The following CD2AP variants were observed in gnomAD, a reference collection of about 807,000 sequenced individuals.
CD2AP encodes CD2 associated protein, also known as CD2-associated protein.
In CD2AP, 46 loss-of-function variants were observed where a neutral mutation model predicts 85.1. That is an observed-to-expected ratio of 0.54 (90% CI 0.43 to 0.69). The LOEUF (loss-of-function observed/expected upper bound fraction) is 0.69. Among genes scored for constraint, CD2AP ranks in the 30% least tolerant of loss-of-function variants. The pLI is 0.00. For missense variants in CD2AP, 769 were observed against 729.5 expected (o/e 1.05, Z -0.62); for synonymous variants, 255 against 252.9 (o/e 1.01, Z -0.08).
At chr6:47,544,557 T>A in intron 3 of CD2AP, 49 bp from the exon 4 acceptor site, 1 of 1,227,472 alleles carries the variant, frequency 8.1e-7, no homozygotes. Flanking sequence ...ATACTGTTTT[T>A]AAAAATGATC....
intron 5 of CD2AP, among the ~76,000 whole-genome samples, chr6:47,567,958 T>C (rs1215743228): frequency 1.3e-5 from 2 of 152,032 alleles, no homozygotes. Flanking sequence ...CTGACGCCAG[T>C]TGAGAATGTT....
intron 3 of CD2AP, among the ~76,000 whole-genome samples, chr6:47,534,882 C>G (rs1483551007): frequency 1.3e-5 from 2 of 149,846 alleles, no homozygotes; most frequent in African/African-American, 4.9e-5. Flanking sequence ...GCGGCCTTGA[C>G]CTCCCAGGCT....
chr6:47,490,265 T>TG (rs1437614861), intron 1 of CD2AP, among the ~76,000 whole-genome samples: 1 of 152,246 alleles, frequency 6.6e-6, no homozygotes, highest in Non-Finnish European at 1.5e-5. Flanking sequence ...TTTACAGGCA[T>TG]GAGCCACTAT....
intron 11 of CD2AP, among the ~76,000 whole-genome samples, chr6:47,590,494 G>C (rs1165722593): frequency 1.3e-5 from 2 of 152,102 alleles, no homozygotes; most frequent in African/African-American, 2.4e-5. Flanking sequence ...ACATGAGTTT[G>C]AACTATATGG....
chr6:47,545,035 A>G, intron 4 of CD2AP: 1 of 211,814 alleles, frequency 4.7e-6, no homozygotes, highest in Non-Finnish European at 9.5e-6. Flanking sequence ...ATACAAAGCA[A>G]AATCTTTTTA....
At position 47,560,981 on chromosome 6, in the gene CD2AP, G is replaced by A. The variant is rs141061432; in HGVS notation, c.541+6215G>A. Among the ~76,000 whole-genome samples, 512 of 152,100 alleles carry A rather than the reference G, an allele frequency of 3.4e-3. 3 individuals are homozygous for A. The highest frequency in any genetic ancestry group is 0.015 in the South Asian group (74 of 4,818). ...AAAGACAAACTTTTGTCTTTCTCCGGTTTATGTATTTATCAGTGTGGGCTC... is the reference window on the plus strand; with the variant it reads ...AAAGACAAACTTTTGTCTTTCTCCGATTTATGTATTTATCAGTGTGGGCTC... On this transcript the variant is annotated intron_variant, in intron 5 of 17. Transcript: ENST00000359314.
chr6:47,533,076 A>G (rs1413532118), intron 2 of CD2AP, among the ~76,000 whole-genome samples: 2 of 152,218 alleles, frequency 1.3e-5, no homozygotes, highest in African/African-American at 4.8e-5. Flanking sequence ...GGTTGGAAAA[A>G]ATCAAAAGGA....
rs775171218 is a variant in CD2AP, at chr6:47,533,711, C to G, written c.275C>G (p.Ala92Gly). The G allele has an allele frequency of 6.2e-7, 1 of 1,614,096 alleles. No homozygotes were observed. The highest frequency in any genetic ancestry group is 2.2e-5 in the East Asian group (1 of 44,852). The change falls in exon 3 of 18, where the codon GCT (alanine) becomes GGT (glycine). Residue 92 changes from alanine (A) to glycine (G), a missense_variant. Transcript: ENST00000359314. Reference sequence around the variant, plus strand: ...CGAATAAGCACCTATGGACTTCCAGCTGGAGGAATTCAGCCACATCCACAA... The same window carrying G: ...CGAATAAGCACCTATGGACTTCCAGGTGGAGGAATTCAGCCACATCCACAA... Reference protein sequence around the residue: ...VQRISTYGLPAGGIQPHPQTK... With the variant: ...VQRISTYGLPGGGIQPHPQTK...
chr6:47,492,674 A>G (rs9357540), intron 1 of CD2AP, among the ~76,000 whole-genome samples: 93,094 of 151,956 alleles, frequency 0.61, 29,251 homozygotes, highest in Middle Eastern at 0.75. Flanking sequence ...TTGTTTTAAT[A>G]AATGTAAGGT....
In CD2AP at chr6:47,579,509, T is replaced by G; in HGVS notation, c.1008+20T>G. The G allele has an allele frequency of 1.4e-6, 2 of 1,393,600 alleles. No individual in the cohort carries two copies. Among genetic ancestry groups the G allele is most frequent in the Non-Finnish European group, 2.0e-6 (2 of 978,748 alleles). 86.3% of individuals were successfully genotyped at this position (1,393,600 alleles called of 1,614,324 possible). ...TTTCCAGTAAGCTTTTGTTTTTCAA[T>G]GATGATAATACTTGAAAGAACATTT... On this transcript the variant is annotated intron_variant, in intron 9 of 17. Transcript: ENST00000359314.
intron 5 of CD2AP, chr6:47,562,526 G>C (rs1767888910): frequency 3.7e-6 from 1 of 273,456 alleles, no homozygotes; most frequent in Non-Finnish European, 7.0e-6. Flanking sequence ...ACATAAATTA[G>C]TTTGATGGCT....
intron 5 of CD2AP, among the ~76,000 whole-genome samples, chr6:47,567,250 G>A (rs1768029329): frequency 6.6e-6 from 1 of 152,098 alleles, no homozygotes; most frequent in South Asian, 2.1e-4. Flanking sequence ...TGAGGGTTGT[G>A]AGTAGTAATA....
At chr6:47,616,706 A>G (rs1362280861) in intron 17 of CD2AP, among the ~76,000 whole-genome samples, 1 of 152,144 alleles carries the variant, frequency 6.6e-6, no homozygotes, top group South Asian at 2.1e-4. Context: ...CTTGAGGTTC[A>G]TTTGTGAAAT....
chr6:47,565,750 A>T (rs1582566257), intron 5 of CD2AP, among the ~76,000 whole-genome samples: 1 of 151,988 alleles, frequency 6.6e-6, no homozygotes, highest in African/African-American at 2.4e-5. Context: ...TTTTCTTTTT[A>T]CCACCTTCAC....
chr6:47,572,040 A>C (rs1424008900), intron 5 of CD2AP, among the ~76,000 whole-genome samples: 2 of 152,186 alleles, frequency 1.3e-5, no homozygotes, highest in East Asian at 1.9e-4. Flanking sequence ...GTTAAGAAGC[A>C]TTCCTGATTT....
chr6:47,605,254 G>T (rs1232180759), intron 13 of CD2AP, among the ~76,000 whole-genome samples: 1 of 151,988 alleles, frequency 6.6e-6, no homozygotes, highest in African/African-American at 2.4e-5. Context: ...GTAAAGGAAG[G>T]TTATATTAAA....
intron 1 of CD2AP, among the ~76,000 whole-genome samples, chr6:47,481,386 C>A (rs927395919): frequency 1.3e-5 from 2 of 151,990 alleles, no homozygotes; most frequent in African/African-American, 2.4e-5. Flanking sequence ...TGCTCTGTTG[C>A]CCAAGCTGGA....
chr6:47,608,855 A>C (rs955023727), intron 15 of CD2AP, among the ~76,000 whole-genome samples: 51 of 152,306 alleles, frequency 3.3e-4, no homozygotes, highest in Middle Eastern at 3.4e-3. Flanking sequence ...TAGGCAAACC[A>C]TCCATAATAT....
chr6:47,611,793 A>C (rs1769448304), intron 16 of CD2AP, among the ~76,000 whole-genome samples: 1 of 152,026 alleles, frequency 6.6e-6, no homozygotes, highest in Non-Finnish European at 1.5e-5. Flanking sequence ...TGAATCAGCC[A>C]AACAAAAAAC....
Sources: allele counts gnomAD v4.1 joint callset (sites outside exome capture counted in the v4.1 genomes callset), GRCh38; gene constraint gnomAD v4.1.1; transcripts MANE v1.5; gene names NCBI Gene and HGNC (gene_info 2026-07-23, HGNC 2026-07-21).